Variants in HR observed in about 807,000 individuals in gnomAD.
The protein encoded by HR is lysine-specific demethylase hairless.
In HR, 83 loss-of-function variants were observed where a neutral mutation model predicts 128.6. The ratio of observed to expected loss-of-function variants is 0.65; its 90% CI spans 0.54 to 0.77. HR has a LOEUF of 0.77. HR is among the 30% of genes least tolerant of loss of function. The pLI, the probability that HR is intolerant of heterozygous loss-of-function variation, is 0.00. For missense variants in HR, 1,490 were observed against 1,574.6 expected, an observed-to-expected ratio of 0.95 and a Z score of 0.91; for synonymous variants, 681 against 658.2, an observed-to-expected ratio of 1.03 and a Z score of -0.53.
At chr8:22,120,580 G>A in intron 11 of HR, 73 bp from the exon 12 acceptor site, 1 of 1,599,764 alleles carries the variant, frequency 6.3e-7, no homozygotes, top group Non-Finnish European at 8.5e-7. Context: ...AGGGCGTGTT[G>A]TAAGGGCAGT....
In HR at chr8:22,128,791, C is replaced by T; in HGVS notation, c.380G>A (p.Ser127Asn). The stretch of plus-strand genomic sequence containing the variant: ...AGGGTCACTCTTGAGATGGCCACCA[C>T]TATGCTCAGGCATCAGGGGGCCACA... Reference protein sequence around the residue: ...PRCGPLMPEHSGGHLKSDPVA... With the variant: ...PRCGPLMPEHNGGHLKSDPVA... Residue 127 changes from serine (S) to asparagine (N), a missense_variant, in exon 2 of 19, where the codon AGT becomes AAT. By Grantham distance (46) the Ser-to-Asn change is conservative. This residue lies in a region of HR where 1,060 missense variants were observed against 1,060.9 expected (regional missense o/e 1.00). Transcript: ENST00000381418. 1 of 1,611,942 alleles carries T rather than the reference C, an allele frequency of 6.2e-7. No individual in the cohort carries two copies. The highest frequency in any genetic ancestry group is 8.5e-7 in the Non-Finnish European group (1 of 1,179,440).
chr8:22,123,358 C>G (rs1826802948), intron 6 of HR, among the ~76,000 whole-genome samples: 1 of 151,844 alleles, frequency 6.6e-6, no homozygotes, highest in African/African-American at 2.4e-5. Context: ...AGCAGTAATA[C>G]CCACTTCACA....
chr8:22,121,718 C>T (rs758682486), intron 8 of HR, 24 bp from the exon 9 acceptor site: 11 of 1,605,470 alleles, frequency 6.9e-6, no homozygotes, highest in African/African-American at 1.3e-5. Flanking sequence ...CCACCACCCC[C>T]CCAATCCAAC....
chr8:22,130,086 TG>T (rs773498058), intron 1 of HR, among the ~76,000 whole-genome samples: 352 of 152,226 alleles, frequency 2.3e-3, no homozygotes, highest in Non-Finnish European at 4.2e-3. Flanking sequence ...GAAAGCGGGC[TG>T]GGCCCCAGAG....
intron 3 of HR, 130 bp downstream of exon 3, chr8:22,126,907 G>T: frequency 1.1e-6 from 1 of 881,572 alleles, no homozygotes; most frequent in Non-Finnish European, 1.7e-6. Context: ...GAGAGCCCTC[G>T]TGATCCAGGT....
chr8:22,120,150 A>G lies in HR; in HGVS notation c.2800T>C (p.Ser934Pro), dbSNP rs1826699774. ...AAAGCTCGGTGCAGCAGGAGGACAG[A>G]GCCCTCGTCTGACTTTGGGCGAACT... The part of the protein sequence containing the change: ...PELRPKSDEG[S>P]VLLLHRALGD... Residue 934 changes from serine to proline, a missense_variant, in exon 13 of 19, where the codon TCT becomes CCT. Around this residue, in one of 3 missense-constraint regions of HR, gnomAD observed 423 missense variants for 495.9 expected, o/e 0.85. Transcript: ENST00000381418. The G allele has an allele frequency of 6.3e-7, 1 of 1,593,598 alleles. No homozygotes were observed.
In HR at chr8:22,121,636, T is replaced by C; in HGVS notation, c.2180A>G (p.His727Arg). The C allele has an allele frequency of 6.2e-7, 1 of 1,614,130 alleles. No homozygotes were observed. The highest frequency in any genetic ancestry group is 1.1e-5 in the South Asian group (1 of 91,078). ...ACCCTCTTTGATGCTCTTGGTCCTG[T>C]GGGTGTCGCCATTGCAGGAAGGTTG... is the stretch of plus-strand genomic sequence containing the variant. ...TPQPSCNGDT[H>R]RTKSIKEETP... The change falls in exon 9 of 19, where the codon CAC (histidine) becomes CGC (arginine). Residue 727 changes from histidine (H) to arginine (R), a missense_variant. By Grantham distance (29) the His-to-Arg change is conservative. Around this residue, in one of 3 missense-constraint regions of HR, gnomAD observed 1,060 missense variants for 1,060.9 expected, o/e 1.00. Coordinates refer to ENST00000381418, the MANE Select transcript of HR (RefSeq NM_005144.5).
chr8:22,123,794 T>C lies in HR; in HGVS notation c.1770A>G (p.Thr590=). The change falls in exon 6 of 19, where the codon ACA becomes ACG. Residue 590 remains threonine, a synonymous_variant. Transcript: ENST00000381418. ...AQREGQGPAV[T]EDSPGIPRCC... ...AGCGTGGAATGCCTGGGCTGTCCTC[T>C]GTCACGGCTGGCCCTTGGCCTGCTG... 4.4e-6 allele frequency: 7 copies of C among 1,602,772 alleles called. No homozygotes were observed. Among genetic ancestry groups the C allele is most frequent in the Non-Finnish European group, 5.9e-6 (7 of 1,177,226 alleles).
chr8:22,119,698 C>T, intron 14 of HR, 62 bp downstream of exon 14: 1 of 1,551,568 alleles, frequency 6.4e-7, no homozygotes, highest in Non-Finnish European at 8.7e-7. Flanking sequence ...GCTCGTGTGC[C>T]CCGAGATGAC....
chr8:22,128,217 CA>C, intron 2 of HR: 1 of 516,352 alleles, frequency 1.9e-6, no homozygotes, highest in South Asian at 2.1e-5. Flanking sequence ...GGGTCCCCTG[CA>C]CATCCCAGTC....
rs757951067 is a variant in HR, at chr8:22,116,428, C to T, written c.3379G>A (p.Val1127Met). The T allele has an allele frequency of 3.1e-6, 5 of 1,613,582 alleles. No homozygotes were observed. Among genetic ancestry groups the T allele is most frequent in the Non-Finnish European group, 4.2e-6 (5 of 1,179,824 alleles). The change falls in exon 18 of 19, where the codon GTG becomes ATG. Residue 1127 changes from valine (V) to methionine (M), a missense_variant and splice_region_variant. Physicochemically the swap from Val to Met is conservative, Grantham distance 21. This residue lies in a region of HR where 423 missense variants were observed against 495.9 expected (regional missense o/e 0.85). Coordinates refer to ENST00000381418, the MANE Select transcript of HR (RefSeq NM_005144.5). This position sits in a 1 kb window ranked among gnomAD's most constrained non-coding sequence, Gnocchi z 4.2. ...CTGACTGTGCTCACCAGGCCCTGCA[C>T]CTGTGTCGGGGGGACATGGACAGTG... ...VLVPAGAPHQVQGLVSTVSVT... is the reference protein window; with the variant it reads ...VLVPAGAPHQMQGLVSTVSVT...
Position 22,119,790 on chromosome 8 carries a change from G to C in HR, c.2947C>G (p.Pro983Ala). 1.2e-6 allele frequency: 2 copies of C among 1,613,448 alleles called. No individual in the cohort carries two copies. The highest frequency in any genetic ancestry group is 1.7e-6 in the Non-Finnish European group (2 of 1,179,802). ...GCTGCCCAGAGCTGGGGCTCCAGTG[G>C]ACGCAGGGCAAGGCCCGGTGGGAGG... ...SYLPPGLALR[P>A]LEPQLWAAYG... Residue 983 changes from proline to alanine, a missense_variant, in exon 14 of 19, where the codon CCA (proline) becomes GCA (alanine). Pro to Ala is a conservative substitution (Grantham distance 27). Transcript: ENST00000381418.
At chr8:22,122,950 C>A in intron 6 of HR, 71 bp from the exon 7 acceptor site, 2 of 1,429,816 alleles carry the variant, frequency 1.4e-6, no homozygotes, top group South Asian at 2.5e-5. Flanking sequence ...CAGAGAAGGT[C>A]AGGACATGAT....
Position 22,120,847 on chromosome 8 carries a change from C to A in HR, c.2479G>T (p.Gly827Cys). ...GLRAGPGLRK[G>C]LGLPLSPVRP... is the part of the protein sequence containing the mutation. ...ACTGGAGAGAGGGGCAGGCCCAGGC[C>A]CTTGCGCAGACCCGGGCCAGCTCGA... Residue 827 changes from glycine to cysteine, a missense_variant, in exon 11 of 19, where the codon GGC becomes TGC. Physicochemically the swap from Gly to Cys is radical, Grantham distance 159. Coordinates refer to ENST00000381418, the MANE Select transcript of HR (RefSeq NM_005144.5). The A allele has an allele frequency of 6.4e-7, 1 of 1,551,778 alleles. No homozygotes were observed. Among genetic ancestry groups the A allele is most frequent in the Non-Finnish European group, 8.7e-7 (1 of 1,147,724 alleles).
At position 22,116,914 on chromosome 8, in the gene HR, G is replaced by T. The variant is rs112173147; in HGVS notation, c.3339C>A (p.Pro1113=). ...CTGCAGGCACCAGCACGGCCTCTCC[G>T]GGGGCCTGGAGCAGGGTCCAGCAGC... ...GVSCWTLLQA[P]GEAVLVPAGA... The change falls in exon 17 of 19, where the codon CCC becomes CCA. Residue 1113 remains proline (P), a synonymous_variant. Coordinates refer to ENST00000381418, the MANE Select transcript of HR (RefSeq NM_005144.5). The surrounding 1 kb of genome is among the most constrained non-coding windows in gnomAD (Gnocchi z 4.2). 119,718 of 1,559,404 alleles carry T rather than the reference G, an allele frequency of 0.077. 5,101 individuals are homozygous for T. The highest frequency in any genetic ancestry group is 0.093 in the Middle Eastern group (412 of 4,428).
At chr8:22,129,507 A>G (rs1826995484) in intron 1 of HR, among the ~76,000 whole-genome samples, 1 of 152,224 alleles carries the variant, frequency 6.6e-6, no homozygotes, top group Non-Finnish European at 1.5e-5. Context: ...TCTGCTCACG[A>G]CCCATGAGGG....
intron 16 of HR, chr8:22,117,883 C>G (rs1826631720): frequency 6.6e-6 from 1 of 152,314 alleles, no homozygotes; most frequent in African/African-American, 2.4e-5. Flanking sequence ...GGAGTCCCAG[C>G]TGGGTGCCAA....
intron 1 of HR, among the ~76,000 whole-genome samples, chr8:22,129,980 G>A (rs1413741036): frequency 6.6e-6 from 1 of 152,210 alleles, no homozygotes; most frequent in Non-Finnish European, 1.5e-5. Flanking sequence ...CAGCTGGATG[G>A]GTCAAGCTGC....
At position 22,126,105 on chromosome 8, in the gene HR, C is replaced by A. The variant is rs550193341; in HGVS notation, c.1406-373G>T. The stretch of plus-strand genomic sequence containing the variant: ...CCACTGGCTGCGTGACATGAGGAGA[C>A]AATCCCAACGTGGACGGAGGGCGCC... On this transcript the variant is annotated intron_variant, in intron 3 of 18. Transcript: ENST00000381418. 2.5e-3 allele frequency among the ~76,000 whole-genome samples: 382 copies of A among 152,330 alleles called. 1 individual carries two copies. The highest frequency in any genetic ancestry group is 8.8e-3 in the African/African-American group (365 of 41,570).
Sources: allele counts gnomAD v4.1 joint callset (sites outside exome capture counted in the v4.1 genomes callset), GRCh38; gene constraint gnomAD v4.1.1; regional missense constraint gnomAD v4.1.1; non-coding constraint Gnocchi (gnomAD v3.1); transcripts MANE v1.5; gene names NCBI Gene and HGNC (gene_info 2026-07-23, HGNC 2026-07-21).